The following APOBEC3H variants were observed in gnomAD, a reference collection of about 807,000 sequenced individuals.
APOBEC3H encodes the protein apolipoprotein B mRNA editing enzyme catalytic subunit 3H.
A neutral mutation model predicts 21.2 loss-of-function variants in APOBEC3H; 8 were observed. The observed-to-expected ratio is 0.38, with a 90% CI of 0.22 to 0.68. APOBEC3H has a LOEUF of 0.68. APOBEC3H is among the 30% of genes least tolerant of loss of function. The pLI is 0.52. For synonymous variants in APOBEC3H, 88 were observed against 91.0 expected (o/e 0.97, Z 0.19); for missense variants, 229 against 228.1 (o/e 1.00, Z -0.03).
At chr22:39,102,124 C>T (rs1929402832) in intron 4 of APOBEC3H, 82 bp downstream of exon 4, 3 of 1,525,446 alleles carry the variant, frequency 2.0e-6, no homozygotes, top group Admixed American at 2.3e-5. Flanking sequence ...CTGCCCACTG[C>T]CCTTACCCCT....
intron 4 of APOBEC3H, chr22:39,102,523 AC>A: frequency 1.4e-6 from 1 of 718,380 alleles, no homozygotes; most frequent in Non-Finnish European, 2.6e-6. Flanking sequence ...TTCCAGGGGT[AC>A]GTGCGCAGGG....
At chr22:39,097,690 G>C (rs968941230) in intron 1 of APOBEC3H, among the ~76,000 whole-genome samples, 14 of 152,230 alleles carry the variant, frequency 9.2e-5, no homozygotes, top group Admixed American at 4.6e-4. Flanking sequence ...CTGAACTAAA[G>C]GATGATGGGA....
chr22:39,101,696 A>AGGAGGTTGGCG lies in APOBEC3H; in HGVS notation c.418+194_418+195insAGGTTGGCGGG, dbSNP rs1929360144. 2.4e-4 allele frequency among the ~76,000 whole-genome samples: 2 copies of AGGAGGTTGGCG among 8,266 alleles called. 1 individual carries two copies. The highest frequency in any genetic ancestry group is 8.6e-4 in the African/African-American group (2 of 2,332). 5.4% of individuals were successfully genotyped at this position (8,266 alleles called of 152,430 possible). ...CGGGGGCGGGTTGGAGGAGGTTGGC[A>AGGAGGTTGGCG]GGGGGTGGGGGGGTGGCGGGGAGCG... On this transcript the variant is annotated intron_variant, in intron 3 of 4. Transcript: ENST00000442487.
rs571323385 is a variant in APOBEC3H, at chr22:39,098,322, C to T, written c.-8+979C>T. On this transcript the variant is annotated intron_variant, in intron 1 of 4. Coordinates refer to ENST00000442487, the MANE Select transcript of APOBEC3H (RefSeq NM_181773.5). ...CGCAATCTCGGCTCACTACAAGCTC[C>T]ACCTCCTGGGTTCACGCCATTTTCC... 1.2e-3 allele frequency among the ~76,000 whole-genome samples: 182 copies of T among 152,228 alleles called. 2 individuals are homozygous for T. The highest frequency in any genetic ancestry group is 4.1e-3 in the African/African-American group (172 of 41,544).
Position 39,103,812 on chromosome 22 carries a change from G to T in APOBEC3H, c.*115G>T, listed in dbSNP as rs1336009880. The T allele has an allele frequency of 1.5e-6, 2 of 1,354,420 alleles. No homozygotes were observed. The highest frequency in any genetic ancestry group is 3.4e-5 in the Admixed American group (2 of 59,634). The allele number at this position is 1,354,420 out of a possible 1,614,324, so 83.9% of individuals were successfully genotyped here. ...CCTGGGGCATGTCAGTTGCCTCATA[G>T]CCTGCTGGTCCTGTAAGCAAGCACT... On this transcript the variant is annotated 3_prime_UTR_variant, in exon 5 of 5. Transcript: ENST00000442487.
chr22:39,103,765 G>A lies in APOBEC3H; in HGVS notation c.*68G>A, dbSNP rs758086862. ...GGACCCGTATCCCACTCATTATCAAGAAGCAACTCAAGATGACTTTCCCTG... is the reference window on the plus strand; with the variant it reads ...GGACCCGTATCCCACTCATTATCAAAAAGCAACTCAAGATGACTTTCCCTG... On this transcript the variant is annotated 3_prime_UTR_variant, in exon 5 of 5. Transcript: ENST00000442487. 5.6e-5 allele frequency: 89 copies of A among 1,585,544 alleles called. No individual in the cohort carries two copies. Among genetic ancestry groups the A allele is most frequent in the Non-Finnish European group, 7.6e-5 (88 of 1,154,306 alleles).
intron 2 of APOBEC3H, 34 bp from the exon 3 acceptor site, chr22:39,101,203 C>T (rs778434817): frequency 3.7e-6 from 5 of 1,355,862 alleles, no homozygotes; most frequent in Non-Finnish European, 4.9e-6. Context: ...TCTCTCTTCT[C>T]CCCTCCCTTC....
Position 39,101,222 on chromosome 22 carries a change from TG to T in APOBEC3H, c.151-12del, listed in dbSNP as rs756103590. 66 of 1,504,670 alleles carry T rather than the reference TG, an allele frequency of 4.4e-5. No homozygotes were observed. The highest frequency in any genetic ancestry group is 5.7e-5 in the Non-Finnish European group (63 of 1,112,012). The allele number at this position is 1,504,670 out of a possible 1,614,324, so 93.2% of individuals were successfully genotyped here. A position where few individuals can be genotyped will look rare whatever the true frequency, so the allele number is the denominator to read the frequency against. ...TCTTCTCCCCTCCCTTCTCTCTGTT[TG>T]GGACCCTCCCCAGAAAAAGTGCCAT... On this transcript the variant is annotated splice_polypyrimidine_tract_variant and intron_variant, in intron 2 of 4. Transcript: ENST00000442487.
chr22:39,100,160 G>A (rs965586301), intron 1 of APOBEC3H, 112 bp from the exon 2 acceptor site: 13 of 1,188,484 alleles, frequency 1.1e-5, no homozygotes, highest in African/African-American at 6.1e-5. Context: ...GCGACAGAGC[G>A]AGACTCTGTC....
At chr22:39,103,578 C>A in intron 4 of APOBEC3H, 111 bp from the exon 5 acceptor site, 1 of 1,180,924 alleles carries the variant, frequency 8.5e-7, no homozygotes, top group Admixed American at 1.7e-5. Flanking sequence ...CTGGGCCCTT[C>A]TGGTGCCAGT....
At position 39,100,273 on chromosome 22, in the gene APOBEC3H, AAC is replaced by A; in HGVS notation, c.-3_-2del. 5.0e-6 allele frequency: 8 copies of A among 1,610,324 alleles called. No individual in the cohort carries two copies. Among genetic ancestry groups the A allele is most frequent in the Non-Finnish European group, 6.8e-6 (8 of 1,176,684 alleles). On this transcript the variant is annotated splice_region_variant and 5_prime_UTR_variant, in exon 2 of 5. Transcript: ENST00000442487. ...GGTTTTCCCCTTTCTGTTGCACAGA[AAC>A]ACGATGGCTCTGTTAACAGCCGAAA...
At chr22:39,102,140 TTTTTC>T (rs950742841) in intron 4 of APOBEC3H, 98 bp downstream of exon 4, 275 of 1,475,038 alleles carry the variant, frequency 1.9e-4, no homozygotes, top group African/African-American at 6.0e-4. Context: ...CCCCTACCTT[TTTTTC>T]TTTTCTTTTC....
chr22:39,099,591 G>T (rs936587198), intron 1 of APOBEC3H, among the ~76,000 whole-genome samples: 1 of 152,194 alleles, frequency 6.6e-6, no homozygotes, highest in Non-Finnish European at 1.5e-5. Context: ...CTGAGCCCAG[G>T]GGAGCCAGAA....
At chr22:39,100,042 A>T (rs1180338890) in intron 1 of APOBEC3H, among the ~76,000 whole-genome samples, 1 of 152,194 alleles carries the variant, frequency 6.6e-6, no homozygotes, top group Non-Finnish European at 1.5e-5. Flanking sequence ...GCGTGGTGGC[A>T]GGCATCTGTA....
chr22:39,101,134 C>CT, intron 2 of APOBEC3H, 103 bp from the exon 3 acceptor site: 6 of 442,226 alleles, frequency 1.4e-5, no homozygotes, highest in South Asian at 4.1e-5. Context: ...ACAGACCCCT[C>CT]TGCCCCCCCA....
At chr22:39,100,511 T>C in intron 2 of APOBEC3H, 83 bp downstream of exon 2, 1 of 1,520,232 alleles carries the variant, frequency 6.6e-7, no homozygotes, top group Non-Finnish European at 8.9e-7. Context: ...AATGCCTGCC[T>C]ATAAATTTCT....
rs954751551 is a variant in APOBEC3H, at chr22:39,102,660, C to T, written c.543+618C>T. 33 of 690,948 alleles carry T rather than the reference C, an allele frequency of 4.8e-5. No homozygotes were observed. In the African/African-American group the frequency reaches 5.1e-4, roughly 11 times the overall value. 42.8% of individuals were successfully genotyped at this position (690,948 alleles called of 1,614,324 possible). A position where few individuals can be genotyped will look rare whatever the true frequency, so the allele number is the denominator to read the frequency against. ...CCCTCTCTTCTTTTGGAGTCTCCAG[C>T]GTCTATTATTTACATCTTTATGTCC... On this transcript the variant is annotated intron_variant, in intron 4 of 4. Transcript: ENST00000442487.
chr22:39,101,189 G>A, intron 2 of APOBEC3H, 48 bp from the exon 3 acceptor site: 1 of 1,222,470 alleles, frequency 8.2e-7, no homozygotes, highest in African/African-American at 1.8e-5. Flanking sequence ...CATGACTCCT[G>A]GCCTCTCTCT....
Position 39,101,429 on chromosome 22 carries a change from T to A in APOBEC3H, c.343T>A (p.Trp115Arg). The change falls in exon 3 of 5, where the codon TGG (tryptophan) becomes AGG (arginine). Residue 115 changes from tryptophan (W) to arginine (R), a missense_variant. Physicochemically the swap from Trp to Arg is moderately radical, Grantham distance 101. Transcript: ENST00000442487. ...CTTCGCCTCCCGCCTGTACTACCAC[T>A]GGTGCAAGCCCCAGCAGAAGGGGCT... ...GIFASRLYYH[W>R]CKPQQKGLRL... The A allele has an allele frequency of 6.2e-7, 1 of 1,611,528 alleles. No individual in the cohort carries two copies. The highest frequency in any genetic ancestry group is 8.5e-7 in the Non-Finnish European group (1 of 1,179,486).
Sources: gnomAD v4.1 joint callset for allele counts (sites outside exome capture counted in the v4.1 genomes callset) on GRCh38, gnomAD v4.1.1 for gene constraint, MANE v1.5 for transcripts, NCBI Gene and HGNC (gene_info 2026-07-23, HGNC 2026-07-21) for gene names.